Variants in ALMS1 observed in about 807,000 individuals in gnomAD.
ALMS1 encodes the protein ALMS1 centrosome and basal body associated protein.
In ALMS1, 271 loss-of-function variants were observed where a neutral mutation model predicts 352.2. That is an observed-to-expected ratio of 0.77 (90% CI 0.70 to 0.85). The LOEUF (loss-of-function observed/expected upper bound fraction) is 0.85. Among genes scored for constraint, ALMS1 ranks in the 40% least tolerant of loss-of-function variants. The probability of loss-of-function intolerance (pLI) is 0.00; values close to 1 mark genes in which losing one functional copy is unlikely to be tolerated. For synonymous variants in ALMS1, 1,865 were observed against 1,761.2 expected (o/e 1.06, Z -1.48); for missense variants, 5,445 against 4,870.7 (o/e 1.12, Z -3.51).
At chr2:73,519,264 A>C (rs1673622034) in intron 10 of ALMS1, among the ~76,000 whole-genome samples, 2 of 151,994 alleles carry the variant, frequency 1.3e-5, no homozygotes, top group Admixed American at 6.6e-5. Context: ...TTAAAGCAAA[A>C]TTTGCTTCTT....
In ALMS1 at chr2:73,419,103, T is replaced by C. The variant is rs762592063; in HGVS notation, c.451-20T>C. On this transcript the variant is annotated intron_variant, in intron 2 of 22. Coordinates refer to ENST00000613296, the MANE Select transcript of ALMS1 (RefSeq NM_001378454.1). The stretch of plus-strand genomic sequence containing the variant: ...AACTCAGTTAATGACTTAGCATGTT[T>C]TCCTTTAACATTTTTCTAGAAAACA... The C allele has an allele frequency of 1.9e-6, 3 of 1,600,032 alleles. No individual in the cohort carries two copies. In the African/African-American group the frequency reaches 4.0e-5, roughly 21 times the overall value.
chr2:73,460,777 C>A (rs1672176033), intron 9 of ALMS1, among the ~76,000 whole-genome samples: 1 of 152,238 alleles, frequency 6.6e-6, no homozygotes, highest in Non-Finnish European at 1.5e-5. Flanking sequence ...AAAAACGGCA[C>A]ACCAGGAGAT....
In ALMS1 at chr2:73,457,648, TC is replaced by T. The variant is rs1366707882; in HGVS notation, c.7674+2356del. Among the ~76,000 whole-genome samples the T allele has an allele frequency of 3.3e-5, 5 of 152,298 alleles. No homozygotes were observed. The East Asian group carries it at 9.6e-4, about 29-fold the overall frequency. On this transcript the variant is annotated intron_variant, in intron 9 of 22. Coordinates refer to ENST00000613296, the MANE Select transcript of ALMS1 (RefSeq NM_001378454.1). ...TTTGATCATTTATTTTATTAAAATATCCCTTTCAGCTTTGTGCCATTTATAT... is the reference window on the plus strand; with the variant it reads ...TTTGATCATTTATTTTATTAAAATATCCTTTCAGCTTTGTGCCATTTATAT...
At position 73,386,016 on chromosome 2, in the gene ALMS1, G is replaced by T. The variant is rs549739737; in HGVS notation, c.148G>T (p.Ala50Ser). 1.3e-6 allele frequency: 2 copies of T among 1,552,222 alleles called. No individual in the cohort carries two copies. Among genetic ancestry groups the T allele is most frequent in the African/African-American group, 1.4e-5 (1 of 73,102 alleles). Residue 50 changes from alanine (A) to serine (S), a missense_variant, in exon 1 of 23, where the codon GCG becomes TCG. Ala to Ser is a moderately conservative substitution (Grantham distance 99). Coordinates refer to ENST00000613296, the MANE Select transcript of ALMS1 (RefSeq NM_001378454.1). ...GGTCGTGGAGGAGGTGGAGGAAGAG[G>T]CGGGGCGGGAGTTGGACTCCGACTC... ...VVVVEEVEEE[A>S]GRELDSDSHY...
intron 16 of ALMS1, among the ~76,000 whole-genome samples, chr2:73,588,048 A>G (rs1675347189): frequency 6.6e-6 from 1 of 152,242 alleles, no homozygotes; most frequent in African/African-American, 2.4e-5. Flanking sequence ...AACAAAAAAA[A>G]GTCCAGGACC....
chr2:73,514,141 A>G (rs1323955167), intron 10 of ALMS1, among the ~76,000 whole-genome samples: 1 of 152,178 alleles, frequency 6.6e-6, no homozygotes, highest in African/African-American at 2.4e-5. Context: ...TGTCAATGTC[A>G]TATGGTTGAA....
intron 16 of ALMS1, among the ~76,000 whole-genome samples, chr2:73,597,923 T>A (rs1177872296): frequency 6.6e-6 from 1 of 152,218 alleles, no homozygotes; most frequent in Non-Finnish European, 1.5e-5. Flanking sequence ...AGGCCCTCTC[T>A]CTGATGAGTA....
At chr2:73,604,018 A>C (rs1273814782) in intron 21 of ALMS1, 1 of 152,326 alleles carries the variant, frequency 6.6e-6, no homozygotes, top group Non-Finnish European at 1.5e-5. Context: ...TAAAAGATTA[A>C]AATTTCGAAG....
At chr2:73,430,426 A>AT (rs1422560256) in intron 6 of ALMS1, among the ~76,000 whole-genome samples, 1 of 152,002 alleles carries the variant, frequency 6.6e-6, no homozygotes, top group Non-Finnish European at 1.5e-5. Flanking sequence ...ACATAATGAA[A>AT]TTTTTTTGAC....
intron 10 of ALMS1, among the ~76,000 whole-genome samples, chr2:73,497,498 A>G (rs139837229): frequency 1.0e-3 from 156 of 152,142 alleles, no homozygotes; most frequent in African/African-American, 3.1e-3. Flanking sequence ...GACCACTGCA[A>G]TAAAGCCGGT....
At chr2:73,540,469 C>T (rs557463745) in intron 12 of ALMS1, among the ~76,000 whole-genome samples, 26 of 152,176 alleles carry the variant, frequency 1.7e-4, no homozygotes, top group African/African-American at 4.6e-4. Context: ...AATCAACTAA[C>T]GAGCAAAATA....
chr2:73,434,712 A>T (rs1489475949), intron 7 of ALMS1, among the ~76,000 whole-genome samples: 1 of 151,914 alleles, frequency 6.6e-6, no homozygotes, highest in African/African-American at 2.4e-5. Context: ...TTAATTGTCT[A>T]TTTCTCCCCT....
In ALMS1 at chr2:73,454,436, G is replaced by A. The variant is rs554204124; in HGVS notation, c.7540+369G>A. 377 of 927,502 alleles carry A rather than the reference G, an allele frequency of 4.1e-4. 1 individual carries two copies. The South Asian group carries it at 4.5e-3, about 11-fold the overall frequency. The allele number at this position is 927,502 out of a possible 1,614,324, so 57.5% of individuals were successfully genotyped here. A position where few individuals can be genotyped will look rare whatever the true frequency, so the allele number is the denominator to read the frequency against. On this transcript the variant is annotated intron_variant, in intron 8 of 22. Coordinates refer to ENST00000613296, the MANE Select transcript of ALMS1 (RefSeq NM_001378454.1). Reference sequence around the variant, plus strand: ...ACGTTTCTCTAATCCTCCCATTATAGTATCCTTATTCTGAAGGCAGAAAGA... The same window carrying A: ...ACGTTTCTCTAATCCTCCCATTATAATATCCTTATTCTGAAGGCAGAAAGA...
chr2:73,563,646 C>G, intron 15 of ALMS1, among the ~76,000 whole-genome samples: 1 of 148,640 alleles, frequency 6.7e-6, no homozygotes, highest in East Asian at 2.0e-4. Flanking sequence ...TGGCATGAAC[C>G]TGGGCGGCAG....
At chr2:73,581,485 C>T (rs1436123241) in intron 16 of ALMS1, among the ~76,000 whole-genome samples, 1 of 152,184 alleles carries the variant, frequency 6.6e-6, no homozygotes, top group Non-Finnish European at 1.5e-5. Flanking sequence ...TAGCAGAAGG[C>T]TAAGTTAAAA....
intron 10 of ALMS1, among the ~76,000 whole-genome samples, chr2:73,517,814 C>T (rs960334218): frequency 5.9e-5 from 9 of 152,000 alleles, no homozygotes; most frequent in African/African-American, 1.2e-4. Context: ...TGCACCACCA[C>T]GCCTGGCTAA....
rs747750620 is a variant in ALMS1 at position 73,386,113 on chromosome 2, C to T, written c.245C>T (p.Ala82Val). Residue 82 changes from alanine (A) to valine (V), a missense_variant, in exon 1 of 23, where the codon GCG becomes GTG. Transcript: ENST00000613296. ...GAGGAGGCCAAGGCCTGGCTGCAGGCGCACCCCGGCAGGATTTTGCCTCCG... is the reference window on the plus strand; with the variant it reads ...GAGGAGGCCAAGGCCTGGCTGCAGGTGCACCCCGGCAGGATTTTGCCTCCG... ...EDEEAKAWLQ[A>V]HPGRILPPLS... 2.1e-5 allele frequency: 33 copies of T among 1,584,336 alleles called. No individual in the cohort carries two copies. Among genetic ancestry groups the T allele is most frequent in the Non-Finnish European group, 2.5e-5 (29 of 1,166,072 alleles).
chr2:73,603,280 A>G lies in ALMS1; in HGVS notation c.12338A>G (p.Lys4113Arg). The G allele has an allele frequency of 1.2e-6, 2 of 1,614,218 alleles. No individual in the cohort carries two copies. The highest frequency in any genetic ancestry group is 1.7e-6 in the Non-Finnish European group (2 of 1,180,016). ...CAGAAGAACAAGCCTATCAGCAAGA[A>G]GGAAATGATTCAGAGGTCCAAACGG... is the stretch of plus-strand genomic sequence containing the variant. ...AIQKNKPISK[K>R]EMIQRSKRIY... Residue 4113 changes from lysine (K) to arginine (R), a missense_variant, in exon 21 of 23, where the codon AAG becomes AGG. Physicochemically the swap from Lys to Arg is conservative, Grantham distance 26. Transcript: ENST00000613296.
chr2:73,468,211 A>G (rs1441053126), intron 9 of ALMS1, among the ~76,000 whole-genome samples: 2 of 152,016 alleles, frequency 1.3e-5, no homozygotes, highest in Non-Finnish European at 2.9e-5. Flanking sequence ...AAATCTAACA[A>G]GATTTATGAG....
Sources: gnomAD v4.1 joint callset for allele counts (sites outside exome capture counted in the v4.1 genomes callset) on GRCh38, gnomAD v4.1.1 for gene constraint, MANE v1.5 for transcripts, NCBI Gene and HGNC (gene_info 2026-07-23, HGNC 2026-07-21) for gene names.